CHN2: variants seen among roughly 807,000 people sequenced by gnomAD.
CHN2 encodes beta-chimaerin.
CHN2 carries 35 observed loss-of-function variants against 56.3 expected under a neutral mutation model. That is an observed-to-expected ratio of 0.62 (90% CI 0.47 to 0.82). CHN2 has a LOEUF of 0.82. Ranked by LOEUF, CHN2 falls within the 40% of genes least tolerant of loss-of-function variation. The pLI is 0.00. For synonymous variants in CHN2, 210 were observed against 212.8 expected (o/e 0.99, Z 0.12); for missense variants, 491 against 580.5 (o/e 0.85, Z 1.58).
chr7:29,393,692 CA>C lies in CHN2; in HGVS notation c.162del (p.Lys54AsnfsTer50). 1 of 875,824 alleles carries C rather than the reference CA, an allele frequency of 1.1e-6. No individual in the cohort carries two copies. The allele number at this position is 875,824 out of a possible 1,614,324, so 54.3% of individuals were successfully genotyped here. On this transcript the variant is annotated frameshift_variant, in exon 4 of 13. Coordinates refer to ENST00000222792, the MANE Select transcript of CHN2 (RefSeq NM_004067.4). LOFTEE classifies it high-confidence loss of function. ...IICPREVENR[P>X]KYYGREFHGI... ...TTTTTAATATAGGTGGAAAACAGAC[CA>C]AAATATTATGGAAGAGAGTATGTAT... is the stretch of plus-strand genomic sequence containing the variant.
intron 1 of CHN2, among the ~76,000 whole-genome samples, chr7:29,249,125 T>G (rs755590505): frequency 6.6e-6 from 1 of 152,106 alleles, no homozygotes; most frequent in Non-Finnish European, 1.5e-5. Context: ...CTTGTGGTTA[T>G]AGAGGCCGAG....
intron 1 of CHN2, among the ~76,000 whole-genome samples, chr7:29,291,073 A>G (rs1413446362): frequency 6.6e-6 from 1 of 152,172 alleles, no homozygotes; most frequent in Non-Finnish European, 1.5e-5. Context: ...GGGAGGGGCC[A>G]CAGGTGCAGT....
At chr7:29,401,267 CA>C (rs1018043797) in intron 6 of CHN2, 1,852 of 131,218 alleles carry the variant, frequency 0.014, 6 homozygotes, top group South Asian at 0.018. Context: ...GACTCCGTCT[CA>C]AAAAAAAAAA....
chr7:29,194,750 T>TAGC, upstream of CHN2: 1 of 452,736 alleles, frequency 2.2e-6, no homozygotes, highest in Non-Finnish European at 3.7e-6. Flanking sequence ...CACAAATAAA[T>TAGC]AGCGGCGGCG....
chr7:29,427,660 T>C (rs1805008761), intron 6 of CHN2, among the ~76,000 whole-genome samples: 1 of 147,234 alleles, frequency 6.8e-6, no homozygotes, highest in South Asian at 2.2e-4. Flanking sequence ...TTTATTCTTT[T>C]TTTTTTTTTT....
intron 12 of CHN2, among the ~76,000 whole-genome samples, chr7:29,510,262 C>G (rs967090037): frequency 6.6e-6 from 1 of 152,114 alleles, no homozygotes; most frequent in Non-Finnish European, 1.5e-5. Context: ...CTGGCTGCCT[C>G]CAGTTCAAGG....
chr7:29,408,916 T>G (rs533170510), intron 6 of CHN2, among the ~76,000 whole-genome samples: 1 of 152,308 alleles, frequency 6.6e-6, no homozygotes, highest in South Asian at 2.1e-4. Context: ...GAGACACGGC[T>G]CCCGAGAAAG....
chr7:29,396,459 CAAAAAAAAAAAAAAA>C (rs35163855), intron 4 of CHN2, among the ~76,000 whole-genome samples: 1 of 56,528 alleles, frequency 1.8e-5, no homozygotes, highest in East Asian at 6.5e-4. Context: ...AGACTCTCTC[CAAAAAAAAAAAAAAA>C]AAAAAAAAAA....
chr7:29,272,308 G>A (rs567699327), intron 1 of CHN2, among the ~76,000 whole-genome samples: 6 of 152,264 alleles, frequency 3.9e-5, no homozygotes, highest in East Asian at 1.9e-4. Context: ...TGGTCCAGGC[G>A]GAAATGACAG....
At chr7:29,158,918 C>A (rs1280890498) in intron 2 of CHN2, among the ~76,000 whole-genome samples, 1 of 152,178 alleles carries the variant, frequency 6.6e-6, no homozygotes, top group East Asian at 1.9e-4. Context: ...GTAAAAATTG[C>A]TAGAGGAATG....
At chr7:29,283,544 T>G (rs1305830639) in intron 1 of CHN2, among the ~76,000 whole-genome samples, 2 of 152,198 alleles carry the variant, frequency 1.3e-5, no homozygotes, top group Non-Finnish European at 2.9e-5. Flanking sequence ...CAGTTGATTT[T>G]GGGTTAATCA....
At chr7:29,311,178 C>T (rs1407972169) in intron 1 of CHN2, among the ~76,000 whole-genome samples, 1 of 152,106 alleles carries the variant, frequency 6.6e-6, no homozygotes, top group Non-Finnish European at 1.5e-5. Context: ...TCTCCCTGCC[C>T]CTGCCTTTGT....
intron 1 of CHN2, among the ~76,000 whole-genome samples, chr7:29,226,868 G>A (rs1786245428): frequency 6.6e-6 from 1 of 152,056 alleles, no homozygotes; most frequent in Admixed American, 6.6e-5. Context: ...GTCCTTAAGT[G>A]TCCTATCTAC....
intron 2 of CHN2, among the ~76,000 whole-genome samples, chr7:29,184,183 A>AG (rs1798421981): frequency 6.6e-6 from 1 of 151,362 alleles, no homozygotes; most frequent in Admixed American, 6.6e-5. Flanking sequence ...ATAGATAGAT[A>AG]GATAGATAGA....
At chr7:29,245,926 GAT>G (rs1788040698) in intron 1 of CHN2, among the ~76,000 whole-genome samples, 4 of 152,332 alleles carry the variant, frequency 2.6e-5, no homozygotes, top group African/African-American at 9.6e-5. Flanking sequence ...CTGGGCTCCT[GAT>G]AAGGAGGGGC....
chr7:29,360,183 G>A (rs756913499), intron 2 of CHN2, among the ~76,000 whole-genome samples: 33 of 152,186 alleles, frequency 2.2e-4, no homozygotes, highest in Non-Finnish European at 4.3e-4. Context: ...CCTCCTAGAG[G>A]TTTTTCACAG....
intron 1 of CHN2, among the ~76,000 whole-genome samples, chr7:29,258,746 T>C (rs1478528539): frequency 1.3e-5 from 2 of 152,184 alleles, no homozygotes; most frequent in African/African-American, 4.8e-5. Context: ...TGAGCAAAAC[T>C]TTCAAAAGAG....
At chr7:29,168,828 A>T (rs1195663264) in intron 2 of CHN2, among the ~76,000 whole-genome samples, 1 of 152,244 alleles carries the variant, frequency 6.6e-6, no homozygotes, top group Non-Finnish European at 1.5e-5. Context: ...ACTACTAAGT[A>T]TGTATTATGT....
At chr7:29,176,274 C>T (rs550510117) in intron 2 of CHN2, among the ~76,000 whole-genome samples, 17 of 151,462 alleles carry the variant, frequency 1.1e-4, no homozygotes, top group Non-Finnish European at 1.8e-4. Context: ...TCAAGAAGGC[C>T]AATAGGTCCT....
Sources: gnomAD v4.1 joint callset for allele counts (sites outside exome capture counted in the v4.1 genomes callset) on GRCh38, gnomAD v4.1.1 for gene constraint, MANE v1.5 for transcripts, NCBI Gene and HGNC (gene_info 2026-07-23, HGNC 2026-07-21) for gene names.